Variants in CSNK1G1 observed in about 807,000 individuals in gnomAD.
CSNK1G1 encodes casein kinase I isoform gamma-1.
In CSNK1G1, 22 loss-of-function variants were observed where a neutral mutation model predicts 59.6. The observed-to-expected ratio is 0.37, with a 90% CI of 0.26 to 0.53. The LOEUF (loss-of-function observed/expected upper bound fraction) is 0.53, where lower values mean the gene tolerates loss of function less well. Among genes scored for constraint, CSNK1G1 ranks in the 20% least tolerant of loss-of-function variants. CSNK1G1 has a pLI of 0.89. For synonymous variants in CSNK1G1, 179 were observed against 177.1 expected (o/e 1.01, Z -0.08); for missense variants, 384 against 519.5 (o/e 0.74, Z 2.54).
rs571802990 is a variant in CSNK1G1, at chr15:64,246,298, T to C, written c.292+5214A>G. On this transcript the variant is annotated intron_variant, in intron 4 of 11. Coordinates refer to ENST00000303052, the MANE Select transcript of CSNK1G1 (RefSeq NM_022048.5). ...TTTCTCTGCCCAATGAGATTTTGTT[T>C]TGACTACTGCATTTGTGAAGTTTCA... Among the ~76,000 whole-genome samples, 9 of 152,300 alleles carry C rather than the reference T, an allele frequency of 5.9e-5. 1 individual carries two copies. Among genetic ancestry groups the C allele is most frequent in the African/African-American group, 1.9e-4 (8 of 41,572 alleles).
At chr15:64,181,471 G>C in intron 10 of CSNK1G1, 1 of 1,472,834 alleles carries the variant, frequency 6.8e-7, no homozygotes, top group Non-Finnish European at 9.0e-7. Flanking sequence ...TAAACAATTT[G>C]GATATCATAT....
intron 2 of CSNK1G1, among the ~76,000 whole-genome samples, chr15:64,277,743 A>G (rs1893776372): frequency 1.5e-5 from 1 of 68,326 alleles, no homozygotes; most frequent in Admixed American, 2.1e-4. Context: ...ATTAATATTG[A>G]TATATTTAAT....
rs1367258697 is a variant in CSNK1G1, at chr15:64,216,320, C to A, written c.444+242G>T. Among the ~76,000 whole-genome samples the A allele has an allele frequency of 6.6e-6, 1 of 152,194 alleles. No individual in the cohort carries two copies. Among genetic ancestry groups the A allele is most frequent in the African/African-American group, 2.4e-5 (1 of 41,448 alleles). On this transcript the variant is annotated intron_variant, in intron 5 of 11. Coordinates refer to ENST00000303052, the MANE Select transcript of CSNK1G1 (RefSeq NM_022048.5). The surrounding 1 kb of genome is among the most constrained non-coding windows in gnomAD (Gnocchi z 4.6). ...TCTCCCTAATCTAAATTATATACTT[C>A]CTCTTCAGTTAAGGGCAGAGCATTG...
chr15:64,353,579 G>A (rs1006951702), intron 1 of CSNK1G1, among the ~76,000 whole-genome samples: 14 of 151,202 alleles, frequency 9.3e-5, no homozygotes, highest in African/African-American at 3.2e-4. Context: ...CCTGGGAGGT[G>A]GAGGTTTCAG....
At chr15:64,318,556 CT>C (rs1896392534) in intron 1 of CSNK1G1, among the ~76,000 whole-genome samples, 1 of 150,108 alleles carries the variant, frequency 6.7e-6, no homozygotes, top group African/African-American at 2.4e-5. Context: ...TTCTTTCTTT[CT>C]TTTTTTAAAG....
chr15:64,182,870 C>CA (rs1361966139), intron 10 of CSNK1G1, among the ~76,000 whole-genome samples: 2 of 152,076 alleles, frequency 1.3e-5, no homozygotes, highest in African/African-American at 4.8e-5. Context: ...CCAGCAAAAC[C>CA]AAAAAGTTGA....
intron 2 of CSNK1G1, among the ~76,000 whole-genome samples, chr15:64,278,580 C>A (rs982941624): frequency 6.6e-6 from 1 of 151,952 alleles, no homozygotes; most frequent in South Asian, 2.1e-4. Flanking sequence ...AGGCACAGGC[C>A]ACCACACCTG....
At chr15:64,323,672 G>A (rs1024737280) in intron 1 of CSNK1G1, among the ~76,000 whole-genome samples, 3 of 152,036 alleles carry the variant, frequency 2.0e-5, no homozygotes, top group African/African-American at 4.8e-5. Context: ...GCCAATTACT[G>A]ACTATACTTA....
At chr15:64,199,011 G>A (rs1016256797) in intron 10 of CSNK1G1, among the ~76,000 whole-genome samples, 1 of 151,674 alleles carries the variant, frequency 6.6e-6, no homozygotes, top group Non-Finnish European at 1.5e-5. Context: ...GGAGGCAGAG[G>A]TGGGCAGATT....
intron 4 of CSNK1G1, among the ~76,000 whole-genome samples, chr15:64,228,218 C>A (rs1298195012): frequency 6.6e-6 from 1 of 152,184 alleles, no homozygotes; most frequent in Non-Finnish European, 1.5e-5. Flanking sequence ...TGGTCTTGAA[C>A]AGGAACCACC....
At chr15:64,269,840 G>A (rs1893187226) in intron 2 of CSNK1G1, among the ~76,000 whole-genome samples, 1 of 151,056 alleles carries the variant, frequency 6.6e-6, no homozygotes, top group African/African-American at 2.4e-5. Flanking sequence ...GTCTCACTCT[G>A]CCACCCACGT....
chr15:64,326,697 C>T (rs1264650935), intron 1 of CSNK1G1, among the ~76,000 whole-genome samples: 9 of 151,862 alleles, frequency 5.9e-5, no homozygotes, highest in South Asian at 4.2e-4. Flanking sequence ...GGAACAGCTC[C>T]GGTCTACAGC....
At chr15:64,232,801 G>A (rs1410199528) in intron 4 of CSNK1G1, among the ~76,000 whole-genome samples, 3 of 152,168 alleles carry the variant, frequency 2.0e-5, no homozygotes, top group African/African-American at 4.8e-5. Context: ...TGAGAATACG[G>A]ATGGAAGAGA....
At chr15:64,268,367 T>TA (rs1382513819) in intron 2 of CSNK1G1, among the ~76,000 whole-genome samples, 1 of 152,164 alleles carries the variant, frequency 6.6e-6, no homozygotes, top group Non-Finnish European at 1.5e-5. Context: ...GGTACAAAGT[T>TA]ACAGTGAGAT....
At chr15:64,318,006 C>G (rs1016506155) in intron 1 of CSNK1G1, among the ~76,000 whole-genome samples, 6 of 152,172 alleles carry the variant, frequency 3.9e-5, no homozygotes, top group African/African-American at 1.2e-4. Flanking sequence ...GATTTCGAGA[C>G]TGCTGCCAAT....
intron 6 of CSNK1G1, among the ~76,000 whole-genome samples, chr15:64,212,788 T>G (rs532469751): frequency 1.3e-5 from 2 of 152,172 alleles, no homozygotes; most frequent in Admixed American, 1.3e-4. Flanking sequence ...GGCAGATCAC[T>G]TAAGGCCAGG....
intron 4 of CSNK1G1, among the ~76,000 whole-genome samples, chr15:64,220,008 G>A (rs565057094): frequency 5.9e-5 from 9 of 151,864 alleles, no homozygotes; most frequent in South Asian, 2.1e-4. Context: ...TCCTGACCTC[G>A]TGATCTGCCT....
intron 10 of CSNK1G1, among the ~76,000 whole-genome samples, chr15:64,199,250 C>CAAAAAAAAAAAAAAAA (rs56819260): frequency 5.7e-4 from 30 of 52,336 alleles, no homozygotes; most frequent in Non-Finnish European, 7.0e-4. Flanking sequence ...AATCTTTTCT[C>CAAAAAAAAAAAAAAAA]AAAAAAAAAA....
rs1365118228 is a variant in CSNK1G1, at chr15:64,168,322, C to G, written c.*3609G>C. ...AGTGCACACTGGCTGTCAGGATACT[C>G]TATCCACCCTTGGGGGCAGTCTGGA... On this transcript the variant is annotated 3_prime_UTR_variant, in exon 12 of 12. Coordinates refer to ENST00000303052, the MANE Select transcript of CSNK1G1 (RefSeq NM_022048.5). 6.6e-6 allele frequency: 1 copy of G among 152,638 alleles called. No homozygotes were observed. The highest frequency in any genetic ancestry group is 6.5e-5 in the Admixed American group (1 of 15,288). 9.5% of individuals were successfully genotyped at this position (152,638 alleles called of 1,614,324 possible).
Sources: allele counts gnomAD v4.1 joint callset (sites outside exome capture counted in the v4.1 genomes callset), GRCh38; gene constraint gnomAD v4.1.1; non-coding constraint Gnocchi (gnomAD v3.1); transcripts MANE v1.5; gene names NCBI Gene and HGNC (gene_info 2026-07-23, HGNC 2026-07-21).